The following PTGR2 variants were observed in gnomAD, a reference collection of about 807,000 sequenced individuals.
PTGR2 encodes the protein 15-oxoprostaglandin 13-reductase.
PTGR2 carries 32 observed loss-of-function variants against 43.4 expected under a neutral mutation model. The observed-to-expected ratio is 0.74, with a 90% CI of 0.56 to 0.99. The LOEUF is 0.99. Among genes scored for constraint, PTGR2 ranks in the 50% least tolerant of loss-of-function variants. The pLI is 0.00. For missense variants in PTGR2, 373 were observed against 420.0 expected (o/e 0.89, Z 0.98); for synonymous variants, 106 against 139.2 (o/e 0.76, Z 1.68).
chr14:73,880,999 C>T (rs1308055869), intron 7 of PTGR2, among the ~76,000 whole-genome samples: 1 of 152,100 alleles, frequency 6.6e-6, no homozygotes, highest in African/African-American at 2.4e-5. Flanking sequence ...GGGGTTTCAC[C>T]GTGTTGGCCA....
At chr14:73,863,274 C>T (rs1198742010) in intron 3 of PTGR2, among the ~76,000 whole-genome samples, 1 of 152,062 alleles carries the variant, frequency 6.6e-6, no homozygotes, top group African/African-American at 2.4e-5. Context: ...CTATTCTGGC[C>T]ATTTCATATA....
chr14:73,873,956 A>G lies in PTGR2; in HGVS notation c.157-67A>G, dbSNP rs2054795015. 4 of 1,228,874 alleles carry G rather than the reference A, an allele frequency of 3.3e-6. No individual in the cohort carries two copies. The Admixed American group carries it at 9.7e-5, about 30-fold the overall frequency. 76.1% of individuals were successfully genotyped at this position (1,228,874 alleles called of 1,614,324 possible). The stretch of plus-strand genomic sequence containing the variant: ...TATTACTCATTATATGCTTTTAGTC[A>G]TTGGGTAAATTAGTAGAGTGGTTTG... On this transcript the variant is annotated intron_variant, in intron 3 of 9. Transcript: ENST00000555661.
intron 3 of PTGR2, among the ~76,000 whole-genome samples, chr14:73,865,036 A>C (rs928308847): frequency 2.0e-5 from 3 of 152,208 alleles, no homozygotes; most frequent in Non-Finnish European, 2.9e-5. Flanking sequence ...ACAGAAACAC[A>C]AACACACACA....
intron 7 of PTGR2, among the ~76,000 whole-genome samples, chr14:73,880,626 T>A (rs1023935953): frequency 1.3e-5 from 2 of 151,728 alleles, no homozygotes; most frequent in Admixed American, 6.6e-5. Context: ...AAAATACACA[T>A]TTTTTAAGCT....
At chr14:73,877,238 G>A (rs1174399752) in intron 5 of PTGR2, 70 bp downstream of exon 5, 26 of 1,347,928 alleles carry the variant, frequency 1.9e-5, no homozygotes, top group Admixed American at 4.1e-5. Flanking sequence ...TTGAAATTCC[G>A]GATATATGTA....
At chr14:73,880,443 T>C (rs1201069492) in intron 7 of PTGR2, among the ~76,000 whole-genome samples, 1 of 151,668 alleles carries the variant, frequency 6.6e-6, no homozygotes, top group Non-Finnish European at 1.5e-5. Context: ...GGTGTAGTGA[T>C]GGGCGCCTGT....
chr14:73,880,909 G>C (rs1191790427), intron 7 of PTGR2, among the ~76,000 whole-genome samples: 1 of 152,144 alleles, frequency 6.6e-6, no homozygotes, highest in Admixed American at 6.5e-5. Flanking sequence ...CGATTCTCCT[G>C]TCTCAGCCTC....
At chr14:73,877,310 G>A in intron 5 of PTGR2, 142 bp downstream of exon 5, 2 of 727,256 alleles carry the variant, frequency 2.8e-6, no homozygotes, top group Non-Finnish European at 4.2e-6. Context: ...GAGTCTCCAG[G>A]CTGGAGTGCA....
intron 3 of PTGR2, among the ~76,000 whole-genome samples, chr14:73,866,612 T>C (rs2054600859): frequency 6.6e-6 from 1 of 152,208 alleles, no homozygotes; most frequent in Non-Finnish European, 1.5e-5. Flanking sequence ...GTTCATTTTA[T>C]GTGTCCACTT....
At chr14:73,862,915 C>T (rs1443986404) in intron 3 of PTGR2, among the ~76,000 whole-genome samples, 1 of 151,878 alleles carries the variant, frequency 6.6e-6, no homozygotes, top group African/African-American at 2.4e-5. Context: ...GCCATGTTGC[C>T]CAGGTTGGTC....
chr14:73,864,599 C>CT (rs1264635566), intron 3 of PTGR2, among the ~76,000 whole-genome samples: 1 of 152,146 alleles, frequency 6.6e-6, no homozygotes, highest in Non-Finnish European at 1.5e-5. Context: ...TTTTTGGAGA[C>CT]ATGTCTATTC....
At chr14:73,872,031 C>G (rs1261142211) in intron 3 of PTGR2, among the ~76,000 whole-genome samples, 1 of 152,152 alleles carries the variant, frequency 6.6e-6, no homozygotes, top group East Asian at 1.9e-4. Context: ...ACATGGGACC[C>G]CTTAATCAGG....
intron 4 of PTGR2, among the ~76,000 whole-genome samples, chr14:73,875,336 G>A (rs1034170032): frequency 1.3e-5 from 2 of 151,726 alleles, no homozygotes; most frequent in Non-Finnish European, 2.9e-5. Context: ...GAGAACTGTT[G>A]GAGTTTGAGT....
intron 8 of PTGR2, 95 bp from the exon 9 acceptor site, chr14:73,882,304 G>A (rs1432128932): frequency 5.2e-6 from 4 of 763,490 alleles, no homozygotes; most frequent in Non-Finnish European, 8.9e-6. Flanking sequence ...TAGACAAAGT[G>A]CTAAATAGTA....
At chr14:73,881,765 G>A (rs2054992652) in intron 8 of PTGR2, among the ~76,000 whole-genome samples, 1 of 140,946 alleles carries the variant, frequency 7.1e-6, no homozygotes, top group Admixed American at 7.4e-5. Context: ...TACTGGCCTA[G>A]GCTATTCTTT....
intron 5 of PTGR2, chr14:73,878,734 A>G (rs746035202): frequency 5.3e-5 from 20 of 380,556 alleles, no homozygotes; most frequent in Non-Finnish European, 8.5e-5. Flanking sequence ...TTGCCCAGCC[A>G]TAAGTGTTCT....
intron 2 of PTGR2, among the ~76,000 whole-genome samples, chr14:73,859,822 A>C (rs1050783199): frequency 1.3e-5 from 2 of 150,534 alleles, no homozygotes; most frequent in African/African-American, 4.9e-5. Context: ...TCATTTCTAT[A>C]GTTACAGAAG....
intron 2 of PTGR2, among the ~76,000 whole-genome samples, chr14:73,860,247 C>T (rs1046310124): frequency 2.0e-5 from 3 of 151,790 alleles, no homozygotes; most frequent in African/African-American, 4.8e-5. Flanking sequence ...GTGGGCAGAT[C>T]GTGAGGTCAG....
chr14:73,859,409 C>A (rs184640265), intron 2 of PTGR2, among the ~76,000 whole-genome samples: 1 of 152,070 alleles, frequency 6.6e-6, no homozygotes, highest in Non-Finnish European at 1.5e-5. Context: ...AGATTAAGAT[C>A]TTTATGTACT....
Sources: gnomAD v4.1 joint callset for allele counts (sites outside exome capture counted in the v4.1 genomes callset) on GRCh38, gnomAD v4.1.1 for gene constraint, MANE v1.5 for transcripts, NCBI Gene and HGNC (gene_info 2026-07-23, HGNC 2026-07-21) for gene names.